RHOT1: variants seen among roughly 807,000 people sequenced by gnomAD.
RHOT1 encodes mitochondrial Rho GTPase 1.
Under a neutral mutation model 95.3 loss-of-function variants are expected in RHOT1, and 27 were observed. The observed-to-expected ratio is 0.28, with a 90% CI of 0.21 to 0.39. The LOEUF (loss-of-function observed/expected upper bound fraction) is 0.39, where lower values mean the gene tolerates loss of function less well. RHOT1 is among the 10% of genes least tolerant of loss of function. The pLI, the probability that RHOT1 is intolerant of heterozygous loss-of-function variation, is 1.00. For synonymous variants in RHOT1, 227 were observed against 263.5 expected, an observed-to-expected ratio of 0.86 and a Z score of 1.34; for missense variants, 578 against 786.7, an observed-to-expected ratio of 0.73 and a Z score of 3.17.
chr17:32,200,842 C>T, intron 13 of RHOT1, 114 bp from the exon 14 acceptor site: 1 of 662,346 alleles, frequency 1.5e-6, no homozygotes, highest in Non-Finnish European at 2.6e-6. Flanking sequence ...TTAAAGTAGT[C>T]TAGACAAAAA....
intron 1 of RHOT1, among the ~76,000 whole-genome samples, chr17:32,168,900 T>C (rs1005438413): frequency 6.6e-6 from 1 of 152,094 alleles, no homozygotes; most frequent in African/African-American, 2.4e-5. Context: ...TAAACTGACA[T>C]TGTTAACTAG....
At chr17:32,196,906 G>A (rs745768343) in intron 11 of RHOT1, among the ~76,000 whole-genome samples, 4 of 151,970 alleles carry the variant, frequency 2.6e-5, no homozygotes, top group Non-Finnish European at 5.9e-5. Flanking sequence ...GGTGAATCAC[G>A]AGGTCAGGAG....
At chr17:32,196,453 A>G (rs1427685152) in intron 11 of RHOT1, among the ~76,000 whole-genome samples, 2 of 152,016 alleles carry the variant, frequency 1.3e-5, no homozygotes, top group Non-Finnish European at 2.9e-5. Flanking sequence ...TGACCTCCTA[A>G]AGTGCTGGGA....
chr17:32,168,220 C>T (rs923716243), intron 1 of RHOT1, among the ~76,000 whole-genome samples: 4 of 152,230 alleles, frequency 2.6e-5, no homozygotes, highest in African/African-American at 9.6e-5. Context: ...TGCCTGCTAA[C>T]ATGACATCCA....
At chr17:32,214,171 G>A (rs2142924238) in intron 19 of RHOT1, among the ~76,000 whole-genome samples, 1 of 152,242 alleles carries the variant, frequency 6.6e-6, no homozygotes, top group East Asian at 1.9e-4. Flanking sequence ...ATAGGTAGGT[G>A]GGGGCCAAAA....
At chr17:32,207,728 A>T (rs2037856194) in intron 17 of RHOT1, among the ~76,000 whole-genome samples, 1 of 152,196 alleles carries the variant, frequency 6.6e-6, no homozygotes, top group Non-Finnish European at 1.5e-5. Flanking sequence ...ACAGACACAC[A>T]TAAAAATGCA....
chr17:32,151,622 C>A, intron 1 of RHOT1: 1 of 247,408 alleles, frequency 4.0e-6, no homozygotes. Flanking sequence ...GTGGCTCACG[C>A]CTGTAATTCC....
chr17:32,201,963 G>A (rs2037354269), intron 14 of RHOT1, among the ~76,000 whole-genome samples: 2 of 152,076 alleles, frequency 1.3e-5, no homozygotes, highest in South Asian at 4.2e-4. Flanking sequence ...CCAGGCTGGA[G>A]TGCAGTGATG....
chr17:32,174,036 T>C, intron 3 of RHOT1, 124 bp downstream of exon 3: 3 of 700,338 alleles, frequency 4.3e-6, no homozygotes, highest in Non-Finnish European at 7.5e-6. Flanking sequence ...AAATGATCCT[T>C]TACGATTCTT....
At chr17:32,151,212 G>A (rs1185313785) in intron 1 of RHOT1, 8 of 752,188 alleles carry the variant, frequency 1.1e-5, no homozygotes, top group African/African-American at 6.8e-5. Flanking sequence ...AACATGGTCT[G>A]GCTAAACAGA....
chr17:32,200,847 C>A (rs2037262296), intron 13 of RHOT1, 109 bp from the exon 14 acceptor site: 5 of 689,340 alleles, frequency 7.3e-6, no homozygotes, highest in Non-Finnish European at 1.2e-5. Flanking sequence ...GTAGTCTAGA[C>A]AAAAATTATC....
chr17:32,191,360 T>G (rs2036476013), intron 8 of RHOT1, among the ~76,000 whole-genome samples: 2 of 152,194 alleles, frequency 1.3e-5, no homozygotes, highest in Admixed American at 1.3e-4. Context: ...TTTCCTCACC[T>G]TGACATCTCA....
intron 13 of RHOT1, 28 bp from the exon 14 acceptor site, chr17:32,200,928 T>A (rs2037270743): frequency 6.5e-7 from 1 of 1,527,578 alleles, no homozygotes; most frequent in African/African-American, 1.4e-5. Context: ...TAGGAACTTT[T>A]CACATTTTAA....
intron 7 of RHOT1, 49 bp from the exon 8 acceptor site, chr17:32,183,122 T>G: frequency 7.0e-7 from 1 of 1,437,486 alleles, no homozygotes; most frequent in Non-Finnish European, 9.6e-7. Flanking sequence ...TTGAAAATTG[T>G]TTTTAGCTCT....
At position 32,147,527 on chromosome 17, in the gene RHOT1, T is replaced by C. The variant is rs561797954; in HGVS notation, c.37+4798T>C. Among the ~76,000 whole-genome samples, 22 of 152,110 alleles carry C rather than the reference T, an allele frequency of 1.4e-4. No homozygotes were observed. The South Asian group carries it at 4.6e-3, about 32-fold the overall frequency. On this transcript the variant is annotated intron_variant, in intron 1 of 19. Coordinates refer to ENST00000545287, the MANE Select transcript of RHOT1 (RefSeq NM_001033566.3). ...CATTCTGGTCTTTGTTGGAATGATA[T>C]TTAAAGATTAAACTGGCCGGGCGCG...
chr17:32,180,381 T>C (rs1007515554), intron 6 of RHOT1, among the ~76,000 whole-genome samples: 12 of 152,148 alleles, frequency 7.9e-5, no homozygotes, highest in African/African-American at 2.7e-4. Flanking sequence ...CTCTGAAACA[T>C]GTGCTGTGTC....
intron 8 of RHOT1, 47 bp from the exon 9 acceptor site, chr17:32,192,154 T>A: frequency 1.1e-6 from 1 of 925,554 alleles, no homozygotes; most frequent in Non-Finnish European, 1.7e-6. Flanking sequence ...GCATTGCTTA[T>A]GAAAATCACA....
At chr17:32,150,778 G>A in intron 1 of RHOT1, 2 of 1,579,506 alleles carry the variant, frequency 1.3e-6, no homozygotes, top group South Asian at 1.2e-5. Flanking sequence ...GAAGTCACTT[G>A]TGGGACTCTC....
intron 11 of RHOT1, among the ~76,000 whole-genome samples, chr17:32,198,478 A>G (rs1265303885): frequency 1.3e-5 from 2 of 152,168 alleles, no homozygotes; most frequent in African/African-American, 4.8e-5. Context: ...TGGGAAGCCA[A>G]GGTGGGTGGA....
Sources: gnomAD v4.1 joint callset for allele counts (sites outside exome capture counted in the v4.1 genomes callset) on GRCh38, gnomAD v4.1.1 for gene constraint, MANE v1.5 for transcripts, NCBI Gene and HGNC (gene_info 2026-07-23, HGNC 2026-07-21) for gene names.